FBN1: variants seen among roughly 807,000 people sequenced by gnomAD.
FBN1 encodes the protein fibrillin 1, also known as fibrillin-1.
A neutral mutation model predicts 365.1 loss-of-function variants in FBN1; 29 were observed. That is an observed-to-expected ratio of 0.08 (90% CI 0.06 to 0.11). The LOEUF (loss-of-function observed/expected upper bound fraction) is 0.11. Among genes scored for constraint, FBN1 ranks in the 10% least tolerant of loss-of-function variants. FBN1 has a pLI of 1.00. For synonymous variants in FBN1, 1,210 were observed against 1,270.5 expected (o/e 0.95, Z 1.01); for missense variants, 2,476 against 3,703.2 (o/e 0.67, Z 8.60).
rs1323581379 is a variant in FBN1, at chr15:48,510,066, T to A, written c.1692A>T (p.Thr564=). ...HCVCNAGFHV[T]RDGKNCEDMD... ...TACCTTCACAGTTCTTCCCATCTCG[T>A]GTAACATGAAAGCCCGCATTACACA... Residue 564 remains threonine (T), a synonymous_variant, in exon 14 of 66, where the codon ACA becomes ACT. Transcript: ENST00000316623. 4 of 1,613,346 alleles carry A rather than the reference T, an allele frequency of 2.5e-6. No individual in the cohort carries two copies. The African/African-American group carries it at 4.0e-5, about 16-fold the overall frequency.
intron 60 of FBN1, among the ~76,000 whole-genome samples, chr15:48,423,687 C>G (rs1250736147): frequency 2.6e-5 from 4 of 152,160 alleles, no homozygotes; most frequent in African/African-American, 4.8e-5. Context: ...TGCATTCTAC[C>G]CATCTCTCAC....
intron 6 of FBN1, among the ~76,000 whole-genome samples, chr15:48,543,173 T>A (rs1033891585): frequency 1.3e-5 from 2 of 152,214 alleles, no homozygotes; most frequent in African/African-American, 4.8e-5. Flanking sequence ...CATCCACTAC[T>A]GCAGTGTCCT....
intron 6 of FBN1, among the ~76,000 whole-genome samples, chr15:48,563,732 T>A (rs928018407): frequency 6.6e-6 from 1 of 152,190 alleles, no homozygotes; most frequent in African/African-American, 2.4e-5. Flanking sequence ...CCCCACATCC[T>A]GTCTAGCTTT....
intron 12 of FBN1, among the ~76,000 whole-genome samples, chr15:48,514,361 T>A (rs529417686): frequency 6.6e-6 from 1 of 152,224 alleles, no homozygotes; most frequent in Non-Finnish European, 1.5e-5. Context: ...GAGTTAGATG[T>A]TCCCACTTCT....
chr15:48,493,491 G>A (rs879071632), intron 23 of FBN1, among the ~76,000 whole-genome samples: 1 of 152,082 alleles, frequency 6.6e-6, no homozygotes, highest in South Asian at 2.1e-4. Flanking sequence ...TTTTGTTTTG[G>A]CCACTTGTAC....
Position 48,644,970 on chromosome 15 carries a change from C to A in FBN1, c.-181-20G>T. The A allele has an allele frequency of 2.5e-6, 1 of 395,318 alleles. No homozygotes were observed. Among genetic ancestry groups the A allele is most frequent in the Non-Finnish European group, 4.2e-6 (1 of 236,782 alleles). 24.5% of individuals were successfully genotyped at this position (395,318 alleles called of 1,614,324 possible). On this transcript the variant is annotated intron_variant, in intron 1 of 65. Transcript: ENST00000316623. ...TGCCAGCTGCAACACAGAGACAAATCCCCGAGGCGGGGAGACTTTCAGGGC... is the reference window on the plus strand; with the variant it reads ...TGCCAGCTGCAACACAGAGACAAATACCCGAGGCGGGGAGACTTTCAGGGC...
intron 13 of FBN1, among the ~76,000 whole-genome samples, chr15:48,513,016 T>C (rs780797252): frequency 6.6e-6 from 1 of 152,230 alleles, no homozygotes; most frequent in South Asian, 2.1e-4. Flanking sequence ...CAAACTTCAA[T>C]GTACATACAG....
chr15:48,598,459 C>T (rs1197245556), intron 5 of FBN1, among the ~76,000 whole-genome samples: 2 of 152,196 alleles, frequency 1.3e-5, no homozygotes, highest in Non-Finnish European at 2.9e-5. Context: ...CCTAGCCCTA[C>T]TTTGGAAGAA....
intron 2 of FBN1, among the ~76,000 whole-genome samples, chr15:48,614,505 C>T (rs953376059): frequency 2.0e-5 from 3 of 152,144 alleles, no homozygotes; most frequent in African/African-American, 7.2e-5. Context: ...TCCTTTACCC[C>T]TTTTGTTGCT....
intron 23 of FBN1, among the ~76,000 whole-genome samples, chr15:48,493,520 G>A (rs2141301588): frequency 6.6e-6 from 1 of 152,272 alleles, no homozygotes; most frequent in Admixed American, 6.5e-5. Context: ...ATGCTGCTGA[G>A]GTCAGATAAG....
chr15:48,422,110 A>G, intron 60 of FBN1, 42 bp from the exon 61 acceptor site: 1 of 1,382,730 alleles, frequency 7.2e-7, no homozygotes, highest in Non-Finnish European at 1.0e-6. Context: ...CAAGCCAACA[A>G]AACAGGATCA....
In FBN1 at chr15:48,516,271, G is replaced by A. The variant is rs1308682011; in HGVS notation, c.1239C>T (p.Leu413=). ...PPPLGPIPPV[L]PVPPGFPPGP... ...CAGGAGGAAAGCCAGGAGGAACAGG[G>A]AGAACTGGAGGAATGGGGCCAAGGG... Residue 413 remains leucine, a synonymous_variant, in exon 11 of 66, where the codon CTC becomes CTT. Transcript: ENST00000316623. The A allele has an allele frequency of 6.2e-7, 1 of 1,611,086 alleles. No individual in the cohort carries two copies. Among genetic ancestry groups the A allele is most frequent in the Non-Finnish European group, 8.5e-7 (1 of 1,178,252 alleles).
intron 63 of FBN1, among the ~76,000 whole-genome samples, chr15:48,420,314 GC>G (rs2042930194): frequency 6.6e-6 from 1 of 152,162 alleles, no homozygotes. Flanking sequence ...CAGGCCAAAA[GC>G]CACTCAAAAT....
chr15:48,435,736 ATG>A (rs1203977243), intron 53 of FBN1, among the ~76,000 whole-genome samples: 10 of 129,730 alleles, frequency 7.7e-5, no homozygotes, highest in Non-Finnish European at 1.3e-4. Context: ...GTGTATATAT[ATG>A]TGTGTATATA....
At chr15:48,596,587 T>C (rs934206505) in intron 5 of FBN1, among the ~76,000 whole-genome samples, 6 of 152,236 alleles carry the variant, frequency 3.9e-5, no homozygotes, top group African/African-American at 1.4e-4. Context: ...TGTATCTATG[T>C]TAATGCTGAT....
At chr15:48,604,123 T>G (rs1402983287) in intron 4 of FBN1, among the ~76,000 whole-genome samples, 1 of 149,182 alleles carries the variant, frequency 6.7e-6, no homozygotes, top group South Asian at 2.1e-4. Context: ...AAAAGAACAA[T>G]GTGAGCACGC....
chr15:48,643,829 C>T (rs923361797), intron 2 of FBN1: 2 of 152,158 alleles, frequency 1.3e-5, no homozygotes, highest in African/African-American at 4.8e-5. Context: ...TTCCCACTGT[C>T]CTTCAATACA....
intron 21 of FBN1, 90 bp from the exon 22 acceptor site, chr15:48,495,350 A>G (rs1013219055): frequency 1.3e-6 from 2 of 1,594,956 alleles, no homozygotes; most frequent in Admixed American, 1.7e-5. Flanking sequence ...ATTTGAAACA[A>G]GGAATAATGA....
intron 2 of FBN1, among the ~76,000 whole-genome samples, chr15:48,639,782 C>T (rs1205309052): frequency 6.6e-6 from 1 of 152,116 alleles, no homozygotes; most frequent in Non-Finnish European, 1.5e-5. Context: ...GGAAAAAATT[C>T]TAAGTTGCTT....
Sources: gnomAD v4.1 joint callset for allele counts (sites outside exome capture counted in the v4.1 genomes callset) on GRCh38, gnomAD v4.1.1 for gene constraint, MANE v1.5 for transcripts, NCBI Gene and HGNC (gene_info 2026-07-23, HGNC 2026-07-21) for gene names.